CACNA1B: variants seen among roughly 807,000 people sequenced by gnomAD.
The protein encoded by CACNA1B is voltage-dependent N-type calcium channel subunit alpha-1B.
In CACNA1B, 70 loss-of-function variants were observed where a neutral mutation model predicts 247.2. The ratio of observed to expected loss-of-function variants is 0.28; its 90% confidence interval spans 0.23 to 0.35. CACNA1B has a LOEUF of 0.35. Ranked by LOEUF, CACNA1B falls within the 10% of genes least tolerant of loss-of-function variation. The probability of loss-of-function intolerance (pLI) is 1.00; values close to 1 mark genes in which losing one functional copy is unlikely to be tolerated. For synonymous variants in CACNA1B, 1,231 were observed against 1,294.4 expected, an observed-to-expected ratio of 0.95 and a Z score of 1.05; for missense variants, 2,367 against 3,197.4, an observed-to-expected ratio of 0.74 and a Z score of 6.26.
At chr9:138,078,314 AG>A (rs936046692) in intron 36 of CACNA1B, 56 bp downstream of exon 36, 1 of 1,557,628 alleles carries the variant, frequency 6.4e-7, no homozygotes, top group Admixed American at 1.7e-5. Flanking sequence ...GGTACAGCTC[AG>A]GCTTCTCCCA....
At position 137,954,879 on chromosome 9, in the gene CACNA1B, T is replaced by TGTGTGTGTGTGTGTGTGAGA. The variant is rs1440887333; in HGVS notation, c.1071-818_1071-817insTGTGTGTGTGTGTGTGAGAG. Among the ~76,000 whole-genome samples the TGTGTGTGTGTGTGTGTGAGA allele has an allele frequency of 2.1e-4, 31 of 145,282 alleles. No homozygotes were observed. In the South Asian group the frequency reaches 3.1e-3, roughly 15 times the overall value. On this transcript the variant is annotated intron_variant, in intron 7 of 46. Coordinates refer to ENST00000371372, the MANE Select transcript of CACNA1B (RefSeq NM_000718.4). This position sits in a 1 kb window ranked among gnomAD's most constrained non-coding sequence, Gnocchi z 4.1. Reference sequence around the variant, plus strand: ...GCTTGTGTGTGTGTGTGTGTGTGTGTGAGAGAGAGAGAGAGAGAGAGAGGG... The same window carrying TGTGTGTGTGTGTGTGTGAGA: ...GCTTGTGTGTGTGTGTGTGTGTGTGTGTGTGTGTGTGTGTGTGAGAGAGAGAGAGAGAGAGAGAGAGAGGG...
At position 137,971,437 on chromosome 9, in the gene CACNA1B, A is replaced by T; in HGVS notation, c.1388A>T (p.Tyr463Phe). ...LKSGKTESSS[Y>F]FRRKEKMFRF... is the part of the protein sequence containing the mutation. ...AGCGGGAAGACAGAGAGCTCGTCAT[A>T]CTTCCGGAGGAAGGAGAAGATGTTC... The change falls in exon 11 of 47, where the codon TAC (tyrosine) becomes TTC (phenylalanine). Residue 463 changes from tyrosine (Y) to phenylalanine (F), a missense_variant. Tyr to Phe is a conservative substitution (Grantham distance 22). Transcript: ENST00000371372. This position sits in a 1 kb window ranked among gnomAD's most constrained non-coding sequence, Gnocchi z 4.4. 6.2e-7 allele frequency: 1 copy of T among 1,613,600 alleles called. No homozygotes were observed. Among genetic ancestry groups the T allele is most frequent in the Non-Finnish European group, 8.5e-7 (1 of 1,179,728 alleles).
Position 138,023,685 on chromosome 9 carries a change from C to A in CACNA1B, c.2942C>A (p.Ala981Asp). Residue 981 changes from alanine to aspartate, a missense_variant, in exon 19 of 47, where the codon GCC becomes GAC. Physicochemically the swap from Ala to Asp is moderately radical, Grantham distance 126. Coordinates refer to ENST00000371372, the MANE Select transcript of CACNA1B (RefSeq NM_000718.4). ...GAGGAGCCGGCGCGGCGGCACCGGG[C>A]CCGGCACAAGGCGCAGCCTGCTCAC... ...SGEEPARRHR[A>D]RHKAQPAHEA... 1 of 1,519,528 alleles carries A rather than the reference C, an allele frequency of 6.6e-7. No individual in the cohort carries two copies. Among genetic ancestry groups the A allele is most frequent in the Non-Finnish European group, 8.8e-7 (1 of 1,132,944 alleles). 94.1% of individuals were successfully genotyped at this position (1,519,528 alleles called of 1,614,324 possible). A position where few individuals can be genotyped will look rare whatever the true frequency, so the allele number is the denominator to read the frequency against.
chr9:138,092,050 A>G (rs1960898116), intron 36 of CACNA1B, among the ~76,000 whole-genome samples: 2 of 152,224 alleles, frequency 1.3e-5, no homozygotes, highest in South Asian at 4.1e-4. Flanking sequence ...ACATGCTTCA[A>G]AGGGCAATAA....
intron 36 of CACNA1B, among the ~76,000 whole-genome samples, chr9:138,085,622 A>G (rs1192907897): frequency 6.6e-6 from 1 of 151,274 alleles, no homozygotes; most frequent in Non-Finnish European, 1.5e-5. Context: ...AGAAAATTCT[A>G]AAAACAGCAA....
intron 3 of CACNA1B, among the ~76,000 whole-genome samples, chr9:137,895,965 C>T (rs778012703): frequency 4.6e-5 from 7 of 152,098 alleles, no homozygotes; most frequent in South Asian, 2.1e-4. Flanking sequence ...AGTGGCTGGG[C>T]GTAGTGGCTC....
In CACNA1B at chr9:138,118,870, G is replaced by T. The variant is rs545544963; in HGVS notation, c.6030+102G>T. The T allele has an allele frequency of 7.7e-6, 5 of 651,852 alleles. No individual in the cohort carries two copies. In the African/African-American group the frequency reaches 9.3e-5, roughly 12 times the overall value. 40.4% of individuals were successfully genotyped at this position (651,852 alleles called of 1,614,324 possible). ...CCTGCAGGTGAGGAGAGCTGGGGTAGAGAGGCTGGGGTCCATGTGTGGAGC... is the reference window on the plus strand; with the variant it reads ...CCTGCAGGTGAGGAGAGCTGGGGTATAGAGGCTGGGGTCCATGTGTGGAGC... On this transcript the variant is annotated intron_variant, in intron 44 of 46. Coordinates refer to ENST00000371372, the MANE Select transcript of CACNA1B (RefSeq NM_000718.4).
intron 3 of CACNA1B, chr9:137,892,700 C>T (rs916559159): frequency 9.5e-6 from 3 of 315,260 alleles, no homozygotes; most frequent in African/African-American, 4.4e-5. Context: ...GGCTCCTGAG[C>T]ACCACCTCCT....
intron 37 of CACNA1B, among the ~76,000 whole-genome samples, chr9:138,099,118 C>T (rs1268352456): frequency 6.6e-6 from 1 of 152,188 alleles, no homozygotes; most frequent in East Asian, 1.9e-4. Flanking sequence ...GTTGTGTGTG[C>T]ACATGTGTGG....
chr9:137,963,403 T>G (rs922990568), intron 10 of CACNA1B, among the ~76,000 whole-genome samples: 1 of 152,162 alleles, frequency 6.6e-6, no homozygotes, highest in Non-Finnish European at 1.5e-5. Flanking sequence ...ATTGTTATTA[T>G]TATTATTTTT....
At chr9:137,915,580 T>A (rs1957400690) in intron 5 of CACNA1B, among the ~76,000 whole-genome samples, 1 of 152,060 alleles carries the variant, frequency 6.6e-6, no homozygotes, top group African/African-American at 2.4e-5. Context: ...GTCCCAGCAC[T>A]TTTAGAAAAA....
rs1366452051 is a variant in CACNA1B at position 138,072,995 on chromosome 9, G to A, written c.4675-493G>A. ...AGGTCCCAGCGAGGGTCCCAGGCAAGCGAGGGCTTTGCTGACTGAGCCAGG... is the reference window on the plus strand; with the variant it reads ...AGGTCCCAGCGAGGGTCCCAGGCAAACGAGGGCTTTGCTGACTGAGCCAGG... On this transcript the variant is annotated intron_variant, in intron 32 of 46. Transcript: ENST00000371372. This position sits in a 1 kb window ranked among gnomAD's most constrained non-coding sequence, Gnocchi z 4.5. 6.6e-6 allele frequency among the ~76,000 whole-genome samples: 1 copy of A among 152,248 alleles called. No individual in the cohort carries two copies. The highest frequency in any genetic ancestry group is 1.5e-5 in the Non-Finnish European group (1 of 68,042).
intron 32 of CACNA1B, 47 bp downstream of exon 32, chr9:138,069,810 C>A (rs922790682): frequency 6.4e-7 from 1 of 1,569,702 alleles, no homozygotes; most frequent in Non-Finnish European, 8.8e-7. Context: ...TTGCTTTGCT[C>A]GCTCTGCTCC....
At chr9:138,036,397 C>A (rs765210897) in intron 20 of CACNA1B, among the ~76,000 whole-genome samples, 4 of 152,240 alleles carry the variant, frequency 2.6e-5, no homozygotes, top group Non-Finnish European at 5.9e-5. Flanking sequence ...CCTCGGCCTC[C>A]CAAAGTGCTG....
At chr9:137,903,348 T>G (rs1957261340) in intron 3 of CACNA1B, among the ~76,000 whole-genome samples, 1 of 152,214 alleles carries the variant, frequency 6.6e-6, no homozygotes, top group Admixed American at 6.5e-5. Context: ...ATTGAGCCAC[T>G]GCACTCCAGC....
At position 138,121,497 on chromosome 9, in the gene CACNA1B, T is replaced by G. The variant is rs765508846; in HGVS notation, c.6518T>G (p.Leu2173Trp). ...AGTGGTTCCGTGAATGGGAGCCCCTTGCTGTCAACATCTGGTGCTAGCACC... is the reference window on the plus strand; with the variant it reads ...AGTGGTTCCGTGAATGGGAGCCCCTGGCTGTCAACATCTGGTGCTAGCACC... Reference protein sequence around the residue: ...QGSGSVNGSPLLSTSGASTPG... With the variant: ...QGSGSVNGSPWLSTSGASTPG... Residue 2173 changes from leucine (L) to tryptophan (W), a missense_variant, in exon 47 of 47, where the codon TTG (leucine) becomes TGG (tryptophan). Leu to Trp is a moderately conservative substitution (Grantham distance 61, BLOSUM62 -2). Coordinates refer to ENST00000371372, the MANE Select transcript of CACNA1B (RefSeq NM_000718.4). The surrounding 1 kb of genome is among the most constrained non-coding windows in gnomAD (Gnocchi z 6.8). 1.7e-5 allele frequency: 26 copies of G among 1,542,492 alleles called. No homozygotes were observed. In the Admixed American group the frequency reaches 4.3e-4, roughly 26 times the overall value.
intron 39 of CACNA1B, among the ~76,000 whole-genome samples, chr9:138,111,562 C>G (rs766374): frequency 0.41 from 62,900 of 152,194 alleles, 15,454 homozygotes; most frequent in Non-Finnish European, 0.52. Flanking sequence ...CTTGACGGTG[C>G]TGCTAGGCAC....
rs1194373452 is a variant in CACNA1B, at chr9:138,100,898, G to A, written c.5223-1813G>A. The stretch of plus-strand genomic sequence containing the variant: ...GTGTGGAGCGGCTCCTGCACACATC[G>A]GGCTCCGGAAATTTCGCTGGGGTTG... On this transcript the variant is annotated intron_variant, in intron 37 of 46. Coordinates refer to ENST00000371372, the MANE Select transcript of CACNA1B (RefSeq NM_000718.4). This position sits in a 1 kb window ranked among gnomAD's most constrained non-coding sequence, Gnocchi z 4.6. Among the ~76,000 whole-genome samples the A allele has an allele frequency of 6.6e-6, 1 of 151,982 alleles. No individual in the cohort carries two copies. Among genetic ancestry groups the A allele is most frequent in the African/African-American group, 2.4e-5 (1 of 41,356 alleles).
chr9:138,062,723 A>G (rs1001444006), intron 31 of CACNA1B, among the ~76,000 whole-genome samples: 1 of 152,204 alleles, frequency 6.6e-6, no homozygotes, highest in African/African-American at 2.4e-5. Flanking sequence ...TTTACCCAGT[A>G]TCCTTACCTA....
Sources: gnomAD v4.1 joint callset for allele counts (sites outside exome capture counted in the v4.1 genomes callset) on GRCh38, gnomAD v4.1.1 for gene constraint, Gnocchi (gnomAD v3.1) non-coding constraint, MANE v1.5 for transcripts, NCBI Gene and HGNC (gene_info 2026-07-23, HGNC 2026-07-21) for gene names.